The following MYO3A variants were observed in gnomAD, a reference collection of about 807,000 sequenced individuals.
MYO3A encodes myosin-IIIa.
Under a neutral mutation model 192.7 loss-of-function variants are expected in MYO3A, and 180 were observed. The ratio of observed to expected loss-of-function variants is 0.93; its 90% confidence interval spans 0.83 to 1.06. MYO3A has a LOEUF of 1.06. MYO3A is among the 50% of genes least tolerant of loss of function. The pLI is 0.00. For missense variants in MYO3A, 1,896 were observed against 1,905.0 expected (o/e 1.00, Z 0.09); for synonymous variants, 628 against 645.3 (o/e 0.97, Z 0.41).
At chr10:26,169,540 A>T (rs1841937882) in intron 28 of MYO3A, among the ~76,000 whole-genome samples, 1 of 152,124 alleles carries the variant, frequency 6.6e-6, no homozygotes, top group Non-Finnish European at 1.5e-5. Context: ...ATTCTAGTCT[A>T]TTCCATTTCA....
At chr10:26,032,810 T>C (rs764355924) in intron 10 of MYO3A, among the ~76,000 whole-genome samples, 1 of 152,160 alleles carries the variant, frequency 6.6e-6, no homozygotes, top group Non-Finnish European at 1.5e-5. Flanking sequence ...GCACAATGCA[T>C]GACTCCATTT....
At chr10:26,033,470 T>C (rs1226762533) in intron 10 of MYO3A, among the ~76,000 whole-genome samples, 1 of 152,178 alleles carries the variant, frequency 6.6e-6, no homozygotes, top group Non-Finnish European at 1.5e-5. Context: ...CTCCTACTTT[T>C]CATTTTTAGT....
intron 14 of MYO3A, among the ~76,000 whole-genome samples, chr10:26,085,118 A>AT (rs923616210): frequency 1.6e-4 from 24 of 151,652 alleles, no homozygotes; most frequent in Non-Finnish European, 2.1e-4. Flanking sequence ...CTCTACTTTC[A>AT]TTTTTTATTT....
intron 26 of MYO3A, among the ~76,000 whole-genome samples, chr10:26,161,135 C>G (rs1040015963): frequency 6.6e-6 from 1 of 152,068 alleles, no homozygotes; most frequent in Non-Finnish European, 1.5e-5. Context: ...AAGGCTAAAC[C>G]TTTTCTGTGT....
chr10:25,959,100 T>A (rs566121268), intron 4 of MYO3A, among the ~76,000 whole-genome samples: 39 of 152,268 alleles, frequency 2.6e-4, no homozygotes, highest in African/African-American at 9.4e-4. Flanking sequence ...TATAGAATCA[T>A]GTCGTCTGCA....
chr10:26,086,760 G>A (rs752238731), intron 14 of MYO3A, among the ~76,000 whole-genome samples: 1 of 152,110 alleles, frequency 6.6e-6, no homozygotes, highest in South Asian at 2.1e-4. Flanking sequence ...GATTTAATGT[G>A]GGGCACGGGG....
At chr10:26,039,414 T>C (rs1437044975) in intron 10 of MYO3A, among the ~76,000 whole-genome samples, 2 of 152,030 alleles carry the variant, frequency 1.3e-5, no homozygotes, top group Non-Finnish European at 1.5e-5. Flanking sequence ...TATTGCCCTA[T>C]AGGCTTTTCT....
intron 10 of MYO3A, among the ~76,000 whole-genome samples, chr10:26,026,892 A>G (rs1842575641): frequency 6.6e-6 from 1 of 152,064 alleles, no homozygotes; most frequent in Admixed American, 6.5e-5. Flanking sequence ...TAGTAGAGAC[A>G]GGGTTTCACT....
chr10:26,032,829 A>G (rs1008272427), intron 10 of MYO3A, among the ~76,000 whole-genome samples: 1 of 152,078 alleles, frequency 6.6e-6, no homozygotes, highest in Admixed American at 6.6e-5. Flanking sequence ...TTTATGTTCT[A>G]TTTTCTGGGC....
rs1160080443 is a variant in MYO3A at position 25,965,285 on chromosome 10, A to G, written c.303+10277A>G. 2.6e-5 allele frequency among the ~76,000 whole-genome samples: 4 copies of G among 152,068 alleles called. 1 individual carries two copies. The highest frequency in any genetic ancestry group is 5.9e-5 in the Non-Finnish European group (4 of 68,024). On this transcript the variant is annotated intron_variant, in intron 4 of 34. Coordinates refer to ENST00000642920, the MANE Select transcript of MYO3A (RefSeq NM_017433.5). ...TCTTTTGCACTGGGTCTTTTACTTC[A>G]TGGCGGCAGATTCCCTTATGGCCCA...
chr10:25,996,766 A>C (rs1049585749), intron 5 of MYO3A, among the ~76,000 whole-genome samples, 172 bp downstream of exon 5: 1 of 152,162 alleles, frequency 6.6e-6, no homozygotes, highest in Admixed American at 6.6e-5. Context: ...TTCCACTACA[A>C]ATTTACTTTC....
intron 17 of MYO3A, among the ~76,000 whole-genome samples, chr10:26,114,101 C>G (rs1240057384): frequency 6.6e-6 from 1 of 152,136 alleles, no homozygotes; most frequent in Non-Finnish European, 1.5e-5. Flanking sequence ...TCCCCAACCT[C>G]CCTCCACCCC....
intron 10 of MYO3A, among the ~76,000 whole-genome samples, chr10:26,052,560 G>A (rs567130264): frequency 2.0e-5 from 3 of 152,314 alleles, no homozygotes; most frequent in African/African-American, 7.2e-5. Flanking sequence ...CTGTACTCCC[G>A]TCGGTACTAC....
Position 26,147,480 on chromosome 10 carries a change from T to C in MYO3A, c.2556T>C (p.Pro852=), listed in dbSNP as rs754617908. ...TAGCCAAAAACAGAGACACTCTTCCTACTGACATTGTGCTACTTTTGAGGT... is the reference window on the plus strand; with the variant it reads ...TAGCCAAAAACAGAGACACTCTTCCCACTGACATTGTGCTACTTTTGAGGT... ...GFLAKNRDTL[P]TDIVLLLRSS... is the part of the protein sequence containing the mutation. Residue 852 remains proline, a synonymous_variant, in exon 23 of 35, where the codon CCT becomes CCC. Transcript: ENST00000642920. The C allele has an allele frequency of 6.2e-7, 1 of 1,613,946 alleles. No individual in the cohort carries two copies. Among genetic ancestry groups the C allele is most frequent in the Non-Finnish European group, 8.5e-7 (1 of 1,179,860 alleles).
chr10:26,033,487 CA>C (rs1017416090), intron 10 of MYO3A, among the ~76,000 whole-genome samples: 7 of 152,100 alleles, frequency 4.6e-5, no homozygotes, highest in African/African-American at 1.7e-4. Context: ...TAGTCCAAAC[CA>C]GGACTAAATG....
rs370516988 is a variant in MYO3A at position 25,975,667 on chromosome 10, C to T, written c.303+20659C>T. Among the ~76,000 whole-genome samples the T allele has an allele frequency of 1.6e-3, 249 of 152,256 alleles. 10 individuals are homozygous for T. In the South Asian group the frequency reaches 0.051, roughly 31 times the overall value. ...ACATGAACCCAGATGTAAAGTACTT[C>T]ACAGAGTATTAACAAATAAAATCTA... On this transcript the variant is annotated intron_variant, in intron 4 of 34. Coordinates refer to ENST00000642920, the MANE Select transcript of MYO3A (RefSeq NM_017433.5).
intron 31 of MYO3A, among the ~76,000 whole-genome samples, chr10:26,185,217 T>C (rs993648971): frequency 6.6e-6 from 1 of 152,130 alleles, no homozygotes; most frequent in African/African-American, 2.4e-5. Context: ...GCAGATTAGA[T>C]TTTCAGAAAT....
At chr10:26,127,005 T>C (rs190592269) in intron 19 of MYO3A, among the ~76,000 whole-genome samples, 1 of 152,266 alleles carries the variant, frequency 6.6e-6, no homozygotes, top group Admixed American at 6.5e-5. Flanking sequence ...CACTATCTCG[T>C]TATGGGACAC....
At position 26,032,278 on chromosome 10, in the gene MYO3A, G is replaced by T. The variant is rs181557606; in HGVS notation, c.953+5746G>T. Among the ~76,000 whole-genome samples, 3 of 152,282 alleles carry T rather than the reference G, an allele frequency of 2.0e-5. No homozygotes were observed. In the East Asian group the frequency reaches 5.8e-4, roughly 29 times the overall value. On this transcript the variant is annotated intron_variant, in intron 10 of 34. Transcript: ENST00000642920. ...GGCATATTTGAGACATATGTGGAAG[G>T]ATTAACAAAAGAAAGACAAACTAAA...
Sources: allele counts gnomAD v4.1 joint callset (sites outside exome capture counted in the v4.1 genomes callset), GRCh38; gene constraint gnomAD v4.1.1; transcripts MANE v1.5; gene names NCBI Gene and HGNC (gene_info 2026-07-23, HGNC 2026-07-21).